SHISA9: variants seen among roughly 807,000 people sequenced by gnomAD.
SHISA9 encodes protein shisa-9.
Under a neutral mutation model 38.0 loss-of-function variants are expected in SHISA9, and 13 were observed. The ratio of observed to expected loss-of-function variants is 0.34; its 90% CI spans 0.22 to 0.54. SHISA9 has a LOEUF of 0.54. Among genes scored for constraint, SHISA9 ranks in the 20% least tolerant of loss-of-function variants. SHISA9 has a pLI of 0.91. For missense variants in SHISA9, 538 were observed against 575.8 expected (o/e 0.93, Z 0.67); for synonymous variants, 275 against 242.0 (o/e 1.14, Z -1.27).
chr16:12,955,267 T>C (rs2071814113), intron 2 of SHISA9, among the ~76,000 whole-genome samples: 1 of 152,162 alleles, frequency 6.6e-6, no homozygotes, highest in Admixed American at 6.5e-5. Flanking sequence ...TTTGGTTCAC[T>C]TAATGGCCAT....
At chr16:13,067,807 C>T (rs1162553827) in intron 2 of SHISA9, among the ~76,000 whole-genome samples, 1 of 152,208 alleles carries the variant, frequency 6.6e-6, no homozygotes, top group African/African-American at 2.4e-5. Context: ...TGCAGTAGGC[C>T]TTTGCGCCAT....
chr16:13,411,321 G>A, the SHISA9 span, among the ~76,000 whole-genome samples: 4 of 152,246 alleles, frequency 2.6e-5, no homozygotes, highest in African/African-American at 7.2e-5. Flanking sequence ...GACTCTGCAA[G>A]AAGCTCTGCC....
Position 13,233,751 on chromosome 16 carries a change from T to A in SHISA9, c.896-1279T>A, listed in dbSNP as rs145618997. On this transcript the variant is annotated intron_variant, in intron 4 of 4. Coordinates refer to ENST00000558583, the MANE Select transcript of SHISA9 (RefSeq NM_001145204.3). Reference sequence around the variant, plus strand: ...CAGGCCTGGTGCGGTAGCTCACACCTGTAATCCCAAGCACTTTGGGAGGCC... The same window carrying A: ...CAGGCCTGGTGCGGTAGCTCACACCAGTAATCCCAAGCACTTTGGGAGGCC... 7.0e-4 allele frequency among the ~76,000 whole-genome samples: 107 copies of A among 152,356 alleles called. 1 individual carries two copies. In the East Asian group the frequency reaches 0.019, roughly 27 times the overall value.
At chr16:13,357,368 A>G in the SHISA9 span, among the ~76,000 whole-genome samples, 3 of 152,174 alleles carry the variant, frequency 2.0e-5, no homozygotes, top group Non-Finnish European at 4.4e-5. Context: ...GATTGAAAGG[A>G]GAAAGAGGTT....
intron 2 of SHISA9, among the ~76,000 whole-genome samples, chr16:13,034,054 A>T (rs1027770058): frequency 1.3e-5 from 2 of 151,814 alleles, no homozygotes; most frequent in Non-Finnish European, 2.9e-5. Flanking sequence ...CTGAGGCAGG[A>T]GAGTCGCTTG....
chr16:13,130,827 T>G (rs2050300213), intron 2 of SHISA9, among the ~76,000 whole-genome samples: 2 of 152,220 alleles, frequency 1.3e-5, no homozygotes, highest in South Asian at 4.1e-4. Context: ...AACAAGACTT[T>G]ATTTACATAT....
At position 13,119,573 on chromosome 16, in the gene SHISA9, A is replaced by C. The variant is rs536214831; in HGVS notation, c.692-83821A>C. Among the ~76,000 whole-genome samples, 3 of 152,342 alleles carry C rather than the reference A, an allele frequency of 2.0e-5. No homozygotes were observed. In the South Asian group the frequency reaches 6.2e-4, roughly 32 times the overall value. ...ACTAACAATCATTATAATCATTAAC[A>C]ATCGCTAATCATTAATAATCACGAA... On this transcript the variant is annotated intron_variant, in intron 2 of 4. Coordinates refer to ENST00000558583, the MANE Select transcript of SHISA9 (RefSeq NM_001145204.3).
chr16:13,376,918 C>G, the SHISA9 span, among the ~76,000 whole-genome samples: 6 of 152,138 alleles, frequency 3.9e-5, no homozygotes, highest in Non-Finnish European at 8.8e-5. Flanking sequence ...CTCAAGTGAT[C>G]CACCCGCCTT....
chr16:13,335,594 G>T, the SHISA9 span, among the ~76,000 whole-genome samples: 11 of 152,184 alleles, frequency 7.2e-5, no homozygotes, highest in African/African-American at 2.7e-4. Flanking sequence ...CTGTCATTCA[G>T]CTCCATCCTT....
chr16:13,064,148 T>A (rs924885832), intron 2 of SHISA9, among the ~76,000 whole-genome samples: 1 of 152,198 alleles, frequency 6.6e-6, no homozygotes, highest in Non-Finnish European at 1.5e-5. Context: ...CAAGTGATCG[T>A]CTTGTCTCAG....
chr16:13,348,275 G>A, the SHISA9 span, among the ~76,000 whole-genome samples: 7 of 151,938 alleles, frequency 4.6e-5, no homozygotes, highest in East Asian at 1.9e-4. Context: ...CCAAAAATTC[G>A]TAATCCAAAA....
chr16:13,498,248 T>G, the SHISA9 span, among the ~76,000 whole-genome samples: 1 of 152,092 alleles, frequency 6.6e-6, no homozygotes, highest in Non-Finnish European at 1.5e-5. Flanking sequence ...TAAACAAAAA[T>G]TTTTTTAAAA....
the SHISA9 span, among the ~76,000 whole-genome samples, chr16:13,409,560 A>C: frequency 2.6e-5 from 4 of 152,230 alleles, no homozygotes; most frequent in East Asian, 7.7e-4. Context: ...ACATCCTGTG[A>C]TGGGGATCAG....
chr16:13,459,073 C>G, the SHISA9 span, among the ~76,000 whole-genome samples: 1 of 151,828 alleles, frequency 6.6e-6, no homozygotes. Flanking sequence ...AAGCTGGTCT[C>G]GAACTGCTGA....
At chr16:12,949,934 C>A (rs549908110) in intron 2 of SHISA9, among the ~76,000 whole-genome samples, 3 of 152,018 alleles carry the variant, frequency 2.0e-5, no homozygotes, top group African/African-American at 7.2e-5. Context: ...TTATAGTTAC[C>A]CTACTGTGCT....
chr16:13,292,101 A>G, the SHISA9 span, among the ~76,000 whole-genome samples: 620 of 151,624 alleles, frequency 4.1e-3, 6 homozygotes, highest in African/African-American at 0.015. Flanking sequence ...AAGGAAAAGC[A>G]GAGACCAAGT....
the SHISA9 span, among the ~76,000 whole-genome samples, chr16:13,246,584 C>T: frequency 1.3e-5 from 2 of 152,134 alleles, no homozygotes; most frequent in South Asian, 2.1e-4. Context: ...GTATCAGGCA[C>T]TGGGTTAGGC....
At chr16:13,228,978 T>C (rs1352192662) in intron 4 of SHISA9, among the ~76,000 whole-genome samples, 1 of 152,006 alleles carries the variant, frequency 6.6e-6, no homozygotes, top group African/African-American at 2.4e-5. Flanking sequence ...CTGGCCAACA[T>C]GGAAAAACGC....
chr16:13,231,092 C>T (rs1321623607), intron 4 of SHISA9, among the ~76,000 whole-genome samples: 1 of 152,212 alleles, frequency 6.6e-6, no homozygotes, highest in East Asian at 1.9e-4. Flanking sequence ...GTGTCAACCT[C>T]ATTTTACCCA....
Sources: gnomAD v4.1 joint callset for allele counts (sites outside exome capture counted in the v4.1 genomes callset) on GRCh38, gnomAD v4.1.1 for gene constraint, MANE v1.5 for transcripts, NCBI Gene and HGNC (gene_info 2026-07-23, HGNC 2026-07-21) for gene names.